The following PARG variants were observed in gnomAD, a reference collection of about 807,000 sequenced individuals.
PARG encodes mitochondrial poly(ADP-ribose) glycohydrolase.
In PARG, 35 loss-of-function variants were observed where a neutral mutation model predicts 113.0. The observed-to-expected ratio is 0.31, with a 90% CI of 0.24 to 0.41. PARG has a LOEUF of 0.41. Among genes scored for constraint, PARG ranks in the 10% least tolerant of loss-of-function variants. The probability of loss-of-function intolerance (pLI) is 1.00; values close to 1 mark genes in which losing one functional copy is unlikely to be tolerated. For missense variants in PARG, 797 were observed against 1,169.4 expected, an observed-to-expected ratio of 0.68 and a Z score of 4.64; for synonymous variants, 330 against 409.9, an observed-to-expected ratio of 0.81 and a Z score of 2.36.
At chr10:49,880,790 T>A (rs1318207751) in intron 8 of PARG, among the ~76,000 whole-genome samples, 3 of 152,136 alleles carry the variant, frequency 2.0e-5, no homozygotes, top group Non-Finnish European at 2.9e-5. Flanking sequence ...TTAAAACTGA[T>A]GAAACAAATC....
At chr10:49,884,569 CA>C (rs1847369453) in intron 8 of PARG, among the ~76,000 whole-genome samples, 1 of 151,860 alleles carries the variant, frequency 6.6e-6, no homozygotes, top group Non-Finnish European at 1.5e-5. Flanking sequence ...CATCGCACTC[CA>C]AAAAAAGAAA....
intron 16 of PARG, among the ~76,000 whole-genome samples, chr10:49,825,367 G>A (rs1167502754): frequency 1.3e-5 from 2 of 152,144 alleles, no homozygotes; most frequent in Non-Finnish European, 2.9e-5. Flanking sequence ...TCCAGAGCCT[G>A]CAGCCAATAC....
At chr10:49,937,843 A>T (rs1171411402) in intron 1 of PARG, among the ~76,000 whole-genome samples, 1 of 152,198 alleles carries the variant, frequency 6.6e-6, no homozygotes, top group Non-Finnish European at 1.5e-5. Context: ...TCTGCTAATA[A>T]AACATTGATC....
intron 11 of PARG, among the ~76,000 whole-genome samples, chr10:49,862,722 G>C (rs375204954): frequency 0.069 from 10,368 of 150,998 alleles, 498 homozygotes; most frequent in African/African-American, 0.12. Flanking sequence ...TAAAGCAGCA[G>C]AGATGTGAAA....
chr10:49,873,570 G>A (rs1554837954), intron 9 of PARG, among the ~76,000 whole-genome samples: 1 of 145,074 alleles, frequency 6.9e-6, no homozygotes, highest in Non-Finnish European at 1.5e-5. Context: ...TATCAGTAGA[G>A]AGGCTTCCCT....
At chr10:49,828,851 G>A (rs1554829864) in intron 16 of PARG, among the ~76,000 whole-genome samples, 3 of 152,008 alleles carry the variant, frequency 2.0e-5, no homozygotes, top group Non-Finnish European at 4.4e-5. Context: ...CCCTAGCCTG[G>A]GTGACACAAT....
intron 16 of PARG, among the ~76,000 whole-genome samples, chr10:49,826,392 C>T (rs1554829397): frequency 6.6e-6 from 1 of 152,196 alleles, no homozygotes; most frequent in Non-Finnish European, 1.5e-5. Context: ...CTTTCCCCAA[C>T]TCCCTAACCA....
chr10:49,905,895 A>G (rs1259563485), intron 7 of PARG, among the ~76,000 whole-genome samples: 6 of 152,110 alleles, frequency 3.9e-5, no homozygotes, highest in Non-Finnish European at 5.9e-5. Flanking sequence ...TTGTGGTCAC[A>G]TGGGTTAATA....
chr10:49,898,176 T>C (rs1297219772), intron 7 of PARG, among the ~76,000 whole-genome samples: 9 of 152,236 alleles, frequency 5.9e-5, no homozygotes, highest in South Asian at 2.1e-4. Flanking sequence ...TCCTCATCCA[T>C]AGTAAGGATA....
intron 2 of PARG, among the ~76,000 whole-genome samples, chr10:49,934,560 C>A (rs1227011813): frequency 1.3e-5 from 2 of 151,990 alleles, no homozygotes; most frequent in East Asian, 3.9e-4. Flanking sequence ...ATCTTAAAGA[C>A]ACAGACTGGC....
intron 4 of PARG, among the ~76,000 whole-genome samples, chr10:49,927,369 G>GGAAAGAAAGAAAGAAAGAAAGAAA (rs200282973): frequency 1.7e-4 from 22 of 130,672 alleles, no homozygotes; most frequent in African/African-American, 4.6e-4. Flanking sequence ...AAGGAAAGAA[G>GGAAAGAAAGAAAGAAAGAAAGAAA]GAAAGAAAGA....
At chr10:49,929,481 C>A (rs1554909410) in intron 4 of PARG, among the ~76,000 whole-genome samples, 9 of 152,040 alleles carry the variant, frequency 5.9e-5, no homozygotes, top group African/African-American at 2.2e-4. Context: ...CCCTTTTTTC[C>A]CTAAGAAATT....
rs1255124059 is a variant in PARG, at chr10:49,923,869, G to A, written c.1456-1200C>T. ...TGTACAACTCCAGTAATCACACCGC[G>A]CATGCAGACAGCCCATCTCAAGGGA... On this transcript the variant is annotated intron_variant, in intron 4 of 17. Transcript: ENST00000616448. Among the ~76,000 whole-genome samples the A allele has an allele frequency of 2.6e-5, 4 of 151,876 alleles. No homozygotes were observed. In the South Asian group the frequency reaches 6.3e-4, roughly 24 times the overall value.
chr10:49,932,233 T>A lies in PARG; in HGVS notation c.1322A>T (p.Lys441Ile), dbSNP rs1174998794. The A allele has an allele frequency of 6.3e-7, 1 of 1,598,036 alleles. No individual in the cohort carries two copies. The highest frequency in any genetic ancestry group is 1.3e-5 in the African/African-American group (1 of 74,640). Reference protein sequence around the residue: ...KHQRTERKIPKYVPPHLSPDK... With the variant: ...KHQRTERKIPIYVPPHLSPDK... ...TGGAGAAAGGTGAGGTGGAACGTAT[T>A]TAGGGATCTTCCTTTCTGTTCTTTG... Residue 441 changes from lysine (K) to isoleucine (I), a missense_variant, in exon 4 of 18, where the codon AAA (lysine) becomes ATA (isoleucine). By Grantham distance (102) the Lys-to-Ile change is moderately radical (BLOSUM62 -3). Coordinates refer to ENST00000616448, the MANE Select transcript of PARG (RefSeq NM_003631.5).
chr10:49,917,289 G>T (rs1390027762), intron 6 of PARG, among the ~76,000 whole-genome samples: 1 of 152,004 alleles, frequency 6.6e-6, no homozygotes. Flanking sequence ...AGGAGATCCA[G>T]ACCATCCTGG....
intron 7 of PARG, among the ~76,000 whole-genome samples, chr10:49,898,880 TATTTG>T (rs1484385871): frequency 6.6e-6 from 1 of 152,138 alleles, no homozygotes; most frequent in Non-Finnish European, 1.5e-5. Flanking sequence ...TCTTGTAATT[TATTTG>T]AACTTTTTTT....
chr10:49,921,290 C>T (rs1170880230), intron 6 of PARG, among the ~76,000 whole-genome samples: 2 of 152,264 alleles, frequency 1.3e-5, no homozygotes, highest in East Asian at 1.9e-4. Context: ...TTTCTTACCC[C>T]GTAATCCTAC....
chr10:49,850,761 T>C (rs1845724502), intron 13 of PARG, among the ~76,000 whole-genome samples: 1 of 152,140 alleles, frequency 6.6e-6, no homozygotes, highest in Non-Finnish European at 1.5e-5. Context: ...GTTTCAGTGT[T>C]CTTCTCTGAG....
rs532182813 is a variant in PARG at position 49,902,770 on chromosome 10, C to T, written c.1737+13147G>A. Among the ~76,000 whole-genome samples the T allele has an allele frequency of 5.3e-5, 8 of 152,158 alleles. 1 individual carries two copies. In the South Asian group the frequency reaches 6.2e-4, roughly 12 times the overall value. ...CTCTGGGAGGCCAAAGCGGGAGGAT[C>T]GCTTAAGGGCAAGTGTTTAAGACCA... On this transcript the variant is annotated intron_variant, in intron 7 of 17. Transcript: ENST00000616448.
Sources: gnomAD v4.1 joint callset for allele counts (sites outside exome capture counted in the v4.1 genomes callset) on GRCh38, gnomAD v4.1.1 for gene constraint, MANE v1.5 for transcripts, NCBI Gene and HGNC (gene_info 2026-07-23, HGNC 2026-07-21) for gene names.